Variants in ARFGEF3 observed in about 807,000 individuals in gnomAD.
The protein encoded by ARFGEF3 is brefeldin A-inhibited guanine nucleotide-exchange protein 3.
ARFGEF3 carries 96 observed loss-of-function variants against 221.7 expected under a neutral mutation model. That is an observed-to-expected ratio of 0.43 (90% CI 0.37 to 0.51). The LOEUF (loss-of-function observed/expected upper bound fraction) is 0.51, where lower values mean the gene tolerates loss of function less well. ARFGEF3 is among the 20% of genes least tolerant of loss of function. The pLI is 0.00. For synonymous variants in ARFGEF3, 1,145 were observed against 1,126.8 expected (o/e 1.02, Z -0.32); for missense variants, 2,410 against 2,789.9 (o/e 0.86, Z 3.07).
intron 2 of ARFGEF3, among the ~76,000 whole-genome samples, chr6:138,206,547 A>T (rs1583010596): frequency 6.7e-6 from 1 of 148,722 alleles, no homozygotes; most frequent in Non-Finnish European, 1.5e-5. Flanking sequence ...CTTTGAGTTG[A>T]GGAGGAATTG....
chr6:138,323,714 T>G lies in ARFGEF3; in HGVS notation c.4810T>G (p.Trp1604Gly). The G allele has an allele frequency of 6.2e-7, 1 of 1,613,964 alleles. No homozygotes were observed. Among genetic ancestry groups the G allele is most frequent in the Non-Finnish European group, 8.5e-7 (1 of 1,179,866 alleles). Residue 1604 changes from tryptophan (W) to glycine (G), a missense_variant, in exon 30 of 34, where the codon TGG becomes GGG. Around this residue, in one of 5 missense-constraint regions of ARFGEF3, gnomAD observed 723 missense variants for 991.9 expected, o/e 0.73. Coordinates refer to ENST00000251691, the MANE Select transcript of ARFGEF3 (RefSeq NM_020340.5). ...TAGPVFTEEM[W>G]RLACCALQDA... ...GGGCCCTGTGTTCACTGAGGAGATG[T>G]GGAGGCTTGCCTGCTGTGCCCTGCA...
At chr6:138,227,130 T>G (rs1030711169) in intron 4 of ARFGEF3, among the ~76,000 whole-genome samples, 1 of 152,106 alleles carries the variant, frequency 6.6e-6, no homozygotes, top group Non-Finnish European at 1.5e-5. Flanking sequence ...CAACATCTTG[T>G]GAACATGGTC....
rs1780402709 is a variant in ARFGEF3 at position 138,340,122 on chromosome 6, C to G, written c.*3636C>G. On this transcript the variant is annotated 3_prime_UTR_variant, in exon 34 of 34. Transcript: ENST00000251691. ...GCAGCTGCCTGTAATCCCAGCTACT[C>G]GGGAAGCTGAGGCAGGAGAATTGCT... 6.6e-6 allele frequency: 1 copy of G among 152,142 alleles called. No individual in the cohort carries two copies. The highest frequency in any genetic ancestry group is 1.5e-5 in the Non-Finnish European group (1 of 68,058). 9.4% of individuals were successfully genotyped at this position (152,142 alleles called of 1,614,324 possible). A position where few individuals can be genotyped will look rare whatever the true frequency, so the allele number is the denominator to read the frequency against.
chr6:138,217,961 G>T, intron 4 of ARFGEF3: 1 of 1,559,506 alleles, frequency 6.4e-7, no homozygotes. Context: ...TATTTTTCTG[G>T]AAAGGCTTTG....
rs1779369283 is a variant in ARFGEF3, at chr6:138,289,942, C to A, written c.3021C>A (p.Asn1007Lys). Reference protein sequence around the residue: ...LSVGLEMGSHNPDCWPHVFRV... With the variant: ...LSVGLEMGSHKPDCWPHVFRV... Reference sequence around the variant, plus strand: ...TAGGCCTGGAGATGGGAAGCCACAACCCGGACTGCTGGCCACACGTGTTCA... The same window carrying A: ...TAGGCCTGGAGATGGGAAGCCACAAACCGGACTGCTGGCCACACGTGTTCA... The change falls in exon 18 of 34, where the codon AAC (asparagine) becomes AAA (lysine). Residue 1007 changes from asparagine to lysine, a missense_variant. This residue lies in a region of ARFGEF3 where 594 missense variants were observed against 734.3 expected (regional missense o/e 0.81). Coordinates refer to ENST00000251691, the MANE Select transcript of ARFGEF3 (RefSeq NM_020340.5). The A allele has an allele frequency of 6.2e-7, 1 of 1,613,362 alleles. No homozygotes were observed. Among genetic ancestry groups the A allele is most frequent in the Admixed American group, 1.7e-5 (1 of 59,930 alleles).
rs1299967271 is a variant in ARFGEF3, at chr6:138,311,415, G to A, written c.4105G>A (p.Asp1369Asn). 3 of 1,604,958 alleles carry A rather than the reference G, an allele frequency of 1.9e-6. No individual in the cohort carries two copies. The highest frequency in any genetic ancestry group is 2.6e-6 in the Non-Finnish European group (3 of 1,175,936). The part of the protein sequence containing the change: ...MKFVKGLGEV[D>N]CKEIGDCAPA... ...TCCCGTGCCGCCCCTAGGGGAGGTG[G>A]ACTGTAAAGAGATTGGAGACTGTGC... The change falls in exon 25 of 34, where the codon GAC becomes AAC. Residue 1369 changes from aspartate to asparagine, a missense_variant. This residue lies in a region of ARFGEF3 where 723 missense variants were observed against 991.9 expected (regional missense o/e 0.73). Coordinates refer to ENST00000251691, the MANE Select transcript of ARFGEF3 (RefSeq NM_020340.5).
intron 10 of ARFGEF3, among the ~76,000 whole-genome samples, chr6:138,256,971 G>A (rs1778694702): frequency 6.6e-6 from 1 of 151,916 alleles, no homozygotes; most frequent in Non-Finnish European, 1.5e-5. Flanking sequence ...TTTTTGTAGA[G>A]ACGTGTTGCC....
chr6:138,340,021 A>C lies in ARFGEF3; in HGVS notation c.*3535A>C, dbSNP rs1278482991. On this transcript the variant is annotated 3_prime_UTR_variant, in exon 34 of 34. Coordinates refer to ENST00000251691, the MANE Select transcript of ARFGEF3 (RefSeq NM_020340.5). ...TAAGGTGGGTGGATCTCTTGAGGTC[A>C]GGAGTTCGAGACCAACCTGGCCAAC... The C allele has an allele frequency of 1.3e-5, 2 of 152,194 alleles. No individual in the cohort carries two copies. Among genetic ancestry groups the C allele is most frequent in the African/African-American group, 4.8e-5 (2 of 41,442 alleles). The allele number at this position is 152,194 out of a possible 1,614,324, so 9.4% of individuals were successfully genotyped here.
chr6:138,229,944 A>T, intron 5 of ARFGEF3, 92 bp downstream of exon 5: 9 of 1,028,154 alleles, frequency 8.8e-6, no homozygotes, highest in Non-Finnish European at 1.4e-5. Flanking sequence ...CCAGCACTGG[A>T]GTGAATCCTT....
chr6:138,173,057 G>T (rs985698669), intron 2 of ARFGEF3, among the ~76,000 whole-genome samples: 5 of 151,984 alleles, frequency 3.3e-5, no homozygotes, highest in African/African-American at 1.2e-4. Context: ...ATATATTGGA[G>T]AAAAATGTTT....
In ARFGEF3 at chr6:138,162,465, G is replaced by A. The variant is rs1327483437; in HGVS notation, c.85+294G>A. 3.3e-5 allele frequency among the ~76,000 whole-genome samples: 5 copies of A among 152,242 alleles called. No homozygotes were observed. The highest frequency in any genetic ancestry group is 2.1e-4 in the South Asian group (1 of 4,820). On this transcript the variant is annotated intron_variant, in intron 1 of 33. Transcript: ENST00000251691. This position sits in a 1 kb window ranked among gnomAD's most constrained non-coding sequence, Gnocchi z 4.7. The stretch of plus-strand genomic sequence containing the variant: ...GCGCTGGGGACGATGCTTCCCCATC[G>A]CCGAGTTAGGCAGGACCCGGAGCCG...
In ARFGEF3 at chr6:138,335,106, T is replaced by C; in HGVS notation, c.6260T>C (p.Leu2087Pro). ...TCCTTCAGCGCAGGCCCCGAGCTGC[T>C]GCGACAGGACAAGAGGCCCCGCTCA... ...RHSFSAGPEL[L>P]RQDKRPRSGS... is the part of the protein sequence containing the mutation. The change falls in exon 33 of 34, where the codon CTG (leucine) becomes CCG (proline). Residue 2087 changes from leucine to proline, a missense_variant. Leu to Pro is a moderately conservative substitution (Grantham distance 98). This residue lies in a region of ARFGEF3 where 339 missense variants were observed against 334.9 expected (regional missense o/e 1.01). Coordinates refer to ENST00000251691, the MANE Select transcript of ARFGEF3 (RefSeq NM_020340.5). 1.2e-6 allele frequency: 2 copies of C among 1,601,664 alleles called. No homozygotes were observed. Among genetic ancestry groups the C allele is most frequent in the Non-Finnish European group, 1.7e-6 (2 of 1,175,210 alleles).
Position 138,262,895 on chromosome 6 carries a change from C to G in ARFGEF3, c.1412C>G (p.Ser471Cys). 6.2e-7 allele frequency: 1 copy of G among 1,613,088 alleles called. No individual in the cohort carries two copies. Residue 471 changes from serine to cysteine, a missense_variant, in exon 12 of 34, where the codon TCC (serine) becomes TGC (cysteine). Physicochemically the swap from Ser to Cys is moderately radical, Grantham distance 112 (BLOSUM62 -1). Around this residue, in one of 5 missense-constraint regions of ARFGEF3, gnomAD observed 570 missense variants for 586.9 expected, o/e 0.97. Transcript: ENST00000251691. ...LKDGAEWSRDSMEINEADFRW... is the reference protein window; with the variant it reads ...LKDGAEWSRDCMEINEADFRW... ...GATGGGGCTGAGTGGAGCCGAGATT[C>G]CATGGAGATCAATGAGGCTGACTTC...
At chr6:138,280,712 A>G (rs757926821) in intron 14 of ARFGEF3, among the ~76,000 whole-genome samples, 44 of 152,190 alleles carry the variant, frequency 2.9e-4, no homozygotes, top group Non-Finnish European at 5.6e-4. Flanking sequence ...TTAGCTGGGC[A>G]TGGTGGCAGG....
intron 22 of ARFGEF3, among the ~76,000 whole-genome samples, chr6:138,299,661 G>A (rs776366017): frequency 7.2e-5 from 11 of 152,016 alleles, no homozygotes; most frequent in Non-Finnish European, 1.3e-4. Context: ...GTTTTCCCGC[G>A]AGGGAATTTG....
chr6:138,257,166 C>A (rs1324866953), intron 10 of ARFGEF3, among the ~76,000 whole-genome samples: 2 of 152,174 alleles, frequency 1.3e-5, no homozygotes, highest in Non-Finnish European at 2.9e-5. Context: ...AAGAATTGAT[C>A]TTCACTAGAT....
intron 21 of ARFGEF3, 143 bp downstream of exon 21, chr6:138,297,098 A>G: frequency 1.1e-6 from 1 of 893,704 alleles, no homozygotes; most frequent in South Asian, 1.7e-5. Flanking sequence ...GGTCACAAAC[A>G]TCACTGTTTT....
In ARFGEF3 at chr6:138,308,723, A is replaced by C; in HGVS notation, c.3974-16A>C. 6.2e-7 allele frequency: 1 copy of C among 1,613,638 alleles called. No homozygotes were observed. The highest frequency in any genetic ancestry group is 8.5e-7 in the Non-Finnish European group (1 of 1,179,714). On this transcript the variant is annotated splice_polypyrimidine_tract_variant and intron_variant, in intron 23 of 33. Transcript: ENST00000251691. ...GAAACTTACTTTCTTACAATTCTAT[A>C]ATCTTCCTCCCTTAGGAAAAGGCCA...
At chr6:138,230,307 C>T (rs549209287) in intron 5 of ARFGEF3, among the ~76,000 whole-genome samples, 1 of 152,322 alleles carries the variant, frequency 6.6e-6, no homozygotes, top group Admixed American at 6.5e-5. Flanking sequence ...ATTGAAAAGC[C>T]TTCTCATTTC....
Sources: gnomAD v4.1 joint callset for allele counts (sites outside exome capture counted in the v4.1 genomes callset) on GRCh38, gnomAD v4.1.1 for gene constraint, gnomAD v4.1.1 regional missense constraint, Gnocchi (gnomAD v3.1) non-coding constraint, MANE v1.5 for transcripts, NCBI Gene and HGNC (gene_info 2026-07-23, HGNC 2026-07-21) for gene names.